Variants in CSMD1 observed in about 807,000 individuals in gnomAD.
The protein encoded by CSMD1 is CUB and sushi domain-containing protein 1.
Under a neutral mutation model 417.5 loss-of-function variants are expected in CSMD1, and 213 were observed. The ratio of observed to expected loss-of-function variants is 0.51; its 90% CI spans 0.46 to 0.57. The LOEUF is 0.57. CSMD1 is among the 20% of genes least tolerant of loss of function. CSMD1 has a pLI of 0.00. For synonymous variants in CSMD1, 2,862 were observed against 1,736.8 expected (o/e 1.65, Z -16.11); for missense variants, 6,923 against 4,529.7 (o/e 1.53, Z -15.17).
chr8:3,313,034 G>C lies in CSMD1; in HGVS notation c.3632-4531C>G, dbSNP rs58483652. Among the ~76,000 whole-genome samples, 4 of 151,342 alleles carry C rather than the reference G, an allele frequency of 2.6e-5. No homozygotes were observed. The East Asian group carries it at 5.8e-4, about 22-fold the overall frequency. On this transcript the variant is annotated intron_variant, in intron 23 of 69. Coordinates refer to ENST00000635120, the MANE Select transcript of CSMD1 (RefSeq NM_033225.6). ...GGTAAAATAAGTTGATGTGTAATAG[G>C]AGAATTCTGAAATGACAACATAAAA...
chr8:4,431,122 T>C (rs2128947064), intron 2 of CSMD1, among the ~76,000 whole-genome samples: 1 of 152,056 alleles, frequency 6.6e-6, no homozygotes, highest in Middle Eastern at 3.4e-3. Flanking sequence ...CACATGACTG[T>C]AGAAAAAGAG....
intron 3 of CSMD1, among the ~76,000 whole-genome samples, chr8:4,073,418 T>A (rs538925787): frequency 2.0e-5 from 3 of 152,014 alleles, no homozygotes. Flanking sequence ...TGAGGGAAAT[T>A]TTGGGAGCTA....
intron 3 of CSMD1, among the ~76,000 whole-genome samples, chr8:4,099,091 C>T (rs1345274873): frequency 6.6e-6 from 1 of 151,992 alleles, no homozygotes; most frequent in Non-Finnish European, 1.5e-5. Flanking sequence ...TTATTTTCAT[C>T]TGTTTTTTTC....
At chr8:4,335,266 A>C (rs529773692) in intron 3 of CSMD1, among the ~76,000 whole-genome samples, 2 of 151,410 alleles carry the variant, frequency 1.3e-5, no homozygotes, top group East Asian at 3.9e-4. Context: ...TGACCTAACC[A>C]CCTCCCAAAT....
At chr8:4,549,014 G>A (rs1340569917) in intron 2 of CSMD1, among the ~76,000 whole-genome samples, 1 of 152,054 alleles carries the variant, frequency 6.6e-6, no homozygotes, top group African/African-American at 2.4e-5. Context: ...ATCAGATTAT[G>A]AGTAATTAAG....
intron 10 of CSMD1, among the ~76,000 whole-genome samples, chr8:3,545,510 A>C (rs1334422158): frequency 6.6e-6 from 1 of 152,202 alleles, no homozygotes; most frequent in Non-Finnish European, 1.5e-5. Context: ...AGTGATAAAG[A>C]ATCATACTGT....
At chr8:4,859,149 A>G (rs185094907) in intron 1 of CSMD1, among the ~76,000 whole-genome samples, 1 of 152,056 alleles carries the variant, frequency 6.6e-6, no homozygotes, top group Non-Finnish European at 1.5e-5. Flanking sequence ...AAACCTGAGA[A>G]AAACAAGCAA....
chr8:3,369,138 A>T, intron 19 of CSMD1, 116 bp downstream of exon 19: 1 of 583,232 alleles, frequency 1.7e-6, no homozygotes, highest in Non-Finnish European at 3.1e-6. Context: ...ATCTTGAACT[A>T]TACATGAGAA....
At chr8:4,711,188 C>G (rs1048539817) in intron 1 of CSMD1, among the ~76,000 whole-genome samples, 1 of 149,972 alleles carries the variant, frequency 6.7e-6, no homozygotes, top group Non-Finnish European at 1.5e-5. Context: ...CCTTTTATTA[C>G]TCATACTTGG....
At chr8:3,696,959 G>C (rs951034383) in intron 7 of CSMD1, among the ~76,000 whole-genome samples, 2 of 152,230 alleles carry the variant, frequency 1.3e-5, no homozygotes, top group Non-Finnish European at 2.9e-5. Flanking sequence ...GTGGACTATA[G>C]AGTTTGGGAC....
intron 15 of CSMD1, among the ~76,000 whole-genome samples, chr8:3,403,126 C>T (rs571297988): frequency 5.9e-5 from 9 of 152,172 alleles, no homozygotes; most frequent in African/African-American, 1.9e-4. Context: ...GGCATGAGAC[C>T]TATAACTTAT....
intron 2 of CSMD1, among the ~76,000 whole-genome samples, chr8:4,469,316 T>G (rs1800381781): frequency 6.6e-6 from 1 of 152,190 alleles, no homozygotes; most frequent in African/African-American, 2.4e-5. Context: ...TTCTAACAAT[T>G]ATTTTCGGCT....
Position 4,093,550 on chromosome 8 carries a change from T to G in CSMD1, c.416-61451A>C, listed in dbSNP as rs563185233. Among the ~76,000 whole-genome samples the G allele has an allele frequency of 3.9e-5, 6 of 152,318 alleles. No individual in the cohort carries two copies. The South Asian group carries it at 1.0e-3, about 26-fold the overall frequency. Reference sequence around the variant, plus strand: ...ATTTTACATACTACGAGTTTTCTCTTTTATATAGAACACCACATTGAAAAA... The same window carrying G: ...ATTTTACATACTACGAGTTTTCTCTGTTATATAGAACACCACATTGAAAAA... On this transcript the variant is annotated intron_variant, in intron 3 of 69. Transcript: ENST00000635120.
At chr8:4,817,354 A>C (rs1475676991) in intron 1 of CSMD1, among the ~76,000 whole-genome samples, 3 of 152,208 alleles carry the variant, frequency 2.0e-5, no homozygotes, top group Admixed American at 2.0e-4. Flanking sequence ...CTAAGATAAA[A>C]CATCTATAAC....
At chr8:3,182,642 T>G (rs2129048115) in intron 36 of CSMD1, among the ~76,000 whole-genome samples, 1 of 63,848 alleles carries the variant, frequency 1.6e-5, no homozygotes, top group East Asian at 4.2e-4. Flanking sequence ...GTATTGTTAG[T>G]AGAGAAGGGG....
At chr8:4,469,892 G>C (rs910893470) in intron 2 of CSMD1, among the ~76,000 whole-genome samples, 1 of 151,452 alleles carries the variant, frequency 6.6e-6, no homozygotes, top group Non-Finnish European at 1.5e-5. Flanking sequence ...ATTTGAGACG[G>C]AGTGTCGCTC....
intron 3 of CSMD1, among the ~76,000 whole-genome samples, chr8:4,226,003 A>C (rs1026601475): frequency 4.6e-5 from 7 of 151,762 alleles, no homozygotes; most frequent in African/African-American, 1.7e-4. Flanking sequence ...TGTTAAAATA[A>C]ATTTTCCCAT....
chr8:4,327,266 T>A (rs530119168), intron 3 of CSMD1, among the ~76,000 whole-genome samples: 3 of 152,220 alleles, frequency 2.0e-5, no homozygotes, highest in African/African-American at 7.2e-5. Context: ...CATTTTACAG[T>A]CAATTGCTCT....
chr8:4,348,141 C>A (rs1269445275), intron 3 of CSMD1, among the ~76,000 whole-genome samples: 1 of 152,088 alleles, frequency 6.6e-6, no homozygotes, highest in African/African-American at 2.4e-5. Context: ...AGAGAGAAGA[C>A]CTTTTCGGTT....
Sources: allele counts gnomAD v4.1 joint callset (sites outside exome capture counted in the v4.1 genomes callset), GRCh38; gene constraint gnomAD v4.1.1; transcripts MANE v1.5; gene names NCBI Gene and HGNC (gene_info 2026-07-23, HGNC 2026-07-21).